Variants in MAF observed in about 807,000 individuals in gnomAD.
MAF encodes MAF bZIP transcription factor.
A neutral mutation model predicts 22.0 loss-of-function variants in MAF; 10 were observed. The observed-to-expected ratio is 0.45, with a 90% CI of 0.28 to 0.77. The LOEUF is 0.77. Among genes scored for constraint, MAF ranks in the 30% least tolerant of loss-of-function variants. The pLI is 0.12. For synonymous variants in MAF, 337 were observed against 255.8 expected, an observed-to-expected ratio of 1.32 and a Z score of -3.03; for missense variants, 544 against 548.4, an observed-to-expected ratio of 0.99 and a Z score of 0.08.
chr16:79,244,336 T>C, the MAF span, among the ~76,000 whole-genome samples: 1 of 151,894 alleles, frequency 6.6e-6, no homozygotes, highest in African/African-American at 2.4e-5. Flanking sequence ...CAGCCCAAAA[T>C]CTCCTTAAGC....
At chr16:79,499,826 A>G in the MAF span, among the ~76,000 whole-genome samples, 1 of 152,206 alleles carries the variant, frequency 6.6e-6, no homozygotes, top group African/African-American at 2.4e-5. Context: ...CCCCAAAAAC[A>G]TATGTCCATG....
At chr16:79,584,794 C>G (rs1315383682), downstream of MAF, among the ~76,000 whole-genome samples, 2 of 152,114 alleles carry the variant, frequency 1.3e-5, no homozygotes, top group Non-Finnish European at 2.9e-5. Context: ...TCATCCAAGA[C>G]TAGAAAATAA....
chr16:79,276,579 G>A, the MAF span, among the ~76,000 whole-genome samples: 3 of 152,184 alleles, frequency 2.0e-5, no homozygotes, highest in African/African-American at 7.2e-5. Context: ...TATTGCAAGT[G>A]AAGGGCTGGG....
At chr16:79,493,547 C>G in the MAF span, among the ~76,000 whole-genome samples, 2 of 152,154 alleles carry the variant, frequency 1.3e-5, no homozygotes, top group Non-Finnish European at 2.9e-5. Context: ...CTCCTGATTT[C>G]AAGTGATTCT....
the MAF span, among the ~76,000 whole-genome samples, chr16:79,269,051 G>T: frequency 8.6e-5 from 13 of 152,026 alleles, no homozygotes; most frequent in African/African-American, 3.1e-4. Flanking sequence ...ACCTTTTCTT[G>T]GCCAAATCTT....
At chr16:79,325,443 C>T in the MAF span, among the ~76,000 whole-genome samples, 5 of 152,102 alleles carry the variant, frequency 3.3e-5, no homozygotes, top group Non-Finnish European at 4.4e-5. Flanking sequence ...CCAGGAGGCT[C>T]ATGAAGCTCA....
the MAF span, among the ~76,000 whole-genome samples, chr16:79,556,846 T>C: frequency 6.6e-6 from 1 of 152,204 alleles, no homozygotes; most frequent in Non-Finnish European, 1.5e-5. Flanking sequence ...CATAGAGTCA[T>C]TGTAAGGACA....
At chr16:79,445,550 C>A in the MAF span, among the ~76,000 whole-genome samples, 1 of 152,202 alleles carries the variant, frequency 6.6e-6, no homozygotes, top group African/African-American at 2.4e-5. Context: ...CAGGTGCTAA[C>A]CCCCCAAGCT....
the MAF span, among the ~76,000 whole-genome samples, chr16:79,340,164 A>T: frequency 6.6e-6 from 1 of 152,066 alleles, no homozygotes; most frequent in South Asian, 2.1e-4. Flanking sequence ...GGAGGAGGTG[A>T]TTTTATCAAA....
chr16:79,224,523 G>C, the MAF span, among the ~76,000 whole-genome samples: 1 of 152,084 alleles, frequency 6.6e-6, no homozygotes, highest in African/African-American at 2.4e-5. Flanking sequence ...AATCAGACAA[G>C]AGAAAGAAAT....
At chr16:79,288,775 G>A in the MAF span, among the ~76,000 whole-genome samples, 2 of 152,100 alleles carry the variant, frequency 1.3e-5, no homozygotes, top group Non-Finnish European at 2.9e-5. Flanking sequence ...TGTCACCCAG[G>A]CTGGAGTATA....
chr16:79,565,509 G>GGC, the MAF span, among the ~76,000 whole-genome samples: 1 of 151,978 alleles, frequency 6.6e-6, no homozygotes, highest in Non-Finnish European at 1.5e-5. Flanking sequence ...CGTGTTGTGG[G>GGC]GGGGGGGACC....
At chr16:79,337,024 T>A in the MAF span, among the ~76,000 whole-genome samples, 1 of 152,136 alleles carries the variant, frequency 6.6e-6, no homozygotes, top group African/African-American at 2.4e-5. Flanking sequence ...ATCAAATAAA[T>A]CATCAGACTG....
the MAF span, among the ~76,000 whole-genome samples, chr16:79,216,737 G>T: frequency 6.6e-6 from 1 of 151,920 alleles, no homozygotes. Flanking sequence ...AGTAAGTTGA[G>T]GAGCCTCTGT....
the MAF span, among the ~76,000 whole-genome samples, chr16:79,436,196 C>A: frequency 3.9e-4 from 60 of 152,154 alleles, no homozygotes; most frequent in African/African-American, 1.4e-3. Flanking sequence ...AATTCTCATG[C>A]CTCAACCTTT....
the MAF span, among the ~76,000 whole-genome samples, chr16:79,378,055 T>A: frequency 1.2e-4 from 18 of 152,188 alleles, no homozygotes; most frequent in Admixed American, 1.2e-3. Flanking sequence ...GTTTTCCCAA[T>A]TCTGTGGAGA....
the MAF span, among the ~76,000 whole-genome samples, chr16:79,551,529 C>T: frequency 6.6e-6 from 1 of 152,172 alleles, no homozygotes; most frequent in Non-Finnish European, 1.5e-5. Context: ...TTTCTGTCTC[C>T]AGGACCTTTT....
At chr16:79,252,842 T>A in the MAF span, among the ~76,000 whole-genome samples, 1 of 152,084 alleles carries the variant, frequency 6.6e-6, no homozygotes, top group East Asian at 1.9e-4. Flanking sequence ...TGAGGGAAAG[T>A]TATTTAAGTC....
chr16:79,271,586 C>T, the MAF span, among the ~76,000 whole-genome samples: 1 of 152,192 alleles, frequency 6.6e-6, no homozygotes, highest in Non-Finnish European at 1.5e-5. Context: ...ATATCCACAA[C>T]CCCTCAATTG....
Sources: allele counts gnomAD v4.1 joint callset (sites outside exome capture counted in the v4.1 genomes callset), GRCh38; gene constraint gnomAD v4.1.1; transcripts MANE v1.5; gene names NCBI Gene and HGNC (gene_info 2026-07-23, HGNC 2026-07-21).